GPM6A: variants seen among roughly 807,000 people sequenced by gnomAD.
The protein encoded by GPM6A is glycoprotein M6A.
GPM6A carries 7 observed loss-of-function variants against 32.1 expected under a neutral mutation model. The observed-to-expected ratio is 0.22, with a 90% CI of 0.12 to 0.41. GPM6A has a LOEUF of 0.41. GPM6A is among the 10% of genes least tolerant of loss of function. The probability of loss-of-function intolerance (pLI) is 1.00; values close to 1 mark genes in which losing one functional copy is unlikely to be tolerated. For missense variants in GPM6A, 235 were observed against 347.2 expected (o/e 0.68, Z 2.57); for synonymous variants, 130 against 123.4 (o/e 1.05, Z -0.35).
At chr4:175,773,871 G>C (rs1023376254) in intron 1 of GPM6A, among the ~76,000 whole-genome samples, 3 of 151,790 alleles carry the variant, frequency 2.0e-5, no homozygotes, top group African/African-American at 7.3e-5. Context: ...AAAATAGAAA[G>C]GAAAATTTTC....
At chr4:175,816,182 C>T (rs1255850035), upstream of GPM6A, among the ~76,000 whole-genome samples, 1 of 152,072 alleles carries the variant, frequency 6.6e-6, no homozygotes, top group Non-Finnish European at 1.5e-5. Context: ...CAGGGTAGGA[C>T]CCTGCCTCTA....
upstream of GPM6A, chr4:175,812,420 G>C: frequency 1.5e-6 from 2 of 1,298,368 alleles, no homozygotes; most frequent in Non-Finnish European, 1.9e-6. Flanking sequence ...TGTTTGCTTG[G>C]AGACAGGCTG....
At chr4:175,704,469 G>A (rs898732943) in intron 1 of GPM6A, among the ~76,000 whole-genome samples, 20 of 152,138 alleles carry the variant, frequency 1.3e-4, no homozygotes, top group Non-Finnish European at 2.8e-4. Context: ...TGTGTGTAGT[G>A]TCTGAATGTC....
intron 1 of GPM6A, among the ~76,000 whole-genome samples, chr4:175,714,978 A>G (rs1221373214): frequency 6.7e-6 from 1 of 149,966 alleles, no homozygotes; most frequent in Non-Finnish European, 1.5e-5. Flanking sequence ...CTGATGTAGA[A>G]AAACAATCCC....
chr4:175,869,407 A>T (rs1361290242), intron 1 of GPM6A, among the ~76,000 whole-genome samples: 2 of 152,190 alleles, frequency 1.3e-5, no homozygotes, highest in Non-Finnish European at 2.9e-5. Context: ...GAGCACATAT[A>T]CCCAGGAAGT....
chr4:175,984,309 C>T (rs752492916), intron 1 of GPM6A, among the ~76,000 whole-genome samples: 7 of 152,162 alleles, frequency 4.6e-5, no homozygotes, highest in East Asian at 3.9e-4. Flanking sequence ...ACTACAGGTG[C>T]GTTCCACCAC....
chr4:175,751,948 T>C (rs13353640), intron 1 of GPM6A, among the ~76,000 whole-genome samples: 8,945 of 152,194 alleles, frequency 0.059, 875 homozygotes, highest in African/African-American at 0.2. Context: ...TTTGAGAGCA[T>C]TGTTAAAACA....
intron 1 of GPM6A, among the ~76,000 whole-genome samples, chr4:175,926,897 T>C (rs1436945948): frequency 2.0e-5 from 3 of 152,212 alleles, no homozygotes; most frequent in Non-Finnish European, 4.4e-5. Context: ...CATTCCTATA[T>C]GCAGAAGCTT....
chr4:175,902,311 C>A (rs1265647076), intron 1 of GPM6A, among the ~76,000 whole-genome samples: 4 of 152,162 alleles, frequency 2.6e-5, no homozygotes, highest in African/African-American at 9.7e-5. Flanking sequence ...GTAAGAGATT[C>A]ATTGGTAAGG....
chr4:175,875,406 A>G (rs982454250), intron 1 of GPM6A, among the ~76,000 whole-genome samples: 1 of 152,188 alleles, frequency 6.6e-6, no homozygotes, highest in African/African-American at 2.4e-5. Flanking sequence ...GAGTTGGAAG[A>G]CTGATGGGAG....
intron 1 of GPM6A, among the ~76,000 whole-genome samples, chr4:175,724,055 G>A (rs1163631423): frequency 1.3e-5 from 2 of 152,106 alleles, no homozygotes; most frequent in Non-Finnish European, 2.9e-5. Flanking sequence ...CAAGATATGG[G>A]ATTAATCATC....
intron 1 of GPM6A, among the ~76,000 whole-genome samples, chr4:175,799,981 A>C (rs1310018250): frequency 8.6e-6 from 1 of 116,328 alleles, no homozygotes; most frequent in Non-Finnish European, 1.8e-5. Flanking sequence ...TTTGAAGTTT[A>C]TCTCTTTTTT....
At chr4:175,723,507 T>C (rs1021703055) in intron 1 of GPM6A, among the ~76,000 whole-genome samples, 17 of 152,154 alleles carry the variant, frequency 1.1e-4, no homozygotes, top group Admixed American at 9.2e-4. Flanking sequence ...ATTCAACAGA[T>C]GCTATAATAC....
intron 1 of GPM6A, among the ~76,000 whole-genome samples, chr4:175,992,202 T>C (rs1046540635): frequency 1.4e-4 from 21 of 152,148 alleles, no homozygotes; most frequent in African/African-American, 4.8e-4. Context: ...ATATTAATAA[T>C]ATATAATGAG....
At chr4:175,978,650 C>G (rs1013631399) in intron 1 of GPM6A, among the ~76,000 whole-genome samples, 1 of 152,054 alleles carries the variant, frequency 6.6e-6, no homozygotes, top group Non-Finnish European at 1.5e-5. Context: ...CAATAAACAA[C>G]CATAGTGTCT....
intron 1 of GPM6A, among the ~76,000 whole-genome samples, chr4:175,911,660 T>C (rs1157171908): frequency 1.3e-5 from 2 of 152,242 alleles, no homozygotes; most frequent in Non-Finnish European, 2.9e-5. Context: ...ACTGGTTGTA[T>C]TGAAAATCAG....
intron 1 of GPM6A, among the ~76,000 whole-genome samples, chr4:175,930,570 T>C (rs749198908): frequency 7.2e-5 from 11 of 152,028 alleles, no homozygotes; most frequent in Non-Finnish European, 1.0e-4. Context: ...ATTTCAGTTT[T>C]ATAAGAACCT....
chr4:175,789,582 C>CA (rs1277080815), intron 1 of GPM6A, among the ~76,000 whole-genome samples: 16 of 151,794 alleles, frequency 1.1e-4, no homozygotes, highest in Admixed American at 2.6e-4. Context: ...ACATGAATAA[C>CA]AAAAAAAACA....
intron 1 of GPM6A, among the ~76,000 whole-genome samples, chr4:175,823,554 A>AT (rs1735342608): frequency 6.6e-6 from 1 of 152,180 alleles, no homozygotes; most frequent in Admixed American, 6.5e-5. Context: ...TGAAACAGTG[A>AT]TTTTAAATTG....
Sources: gnomAD v4.1 joint callset for allele counts (sites outside exome capture counted in the v4.1 genomes callset) on GRCh38, gnomAD v4.1.1 for gene constraint, MANE v1.5 for transcripts, NCBI Gene and HGNC (gene_info 2026-07-23, HGNC 2026-07-21) for gene names.